SEC22C: variants seen among roughly 807,000 people sequenced by gnomAD.
The protein encoded by SEC22C is vesicle-trafficking protein SEC22c.
In SEC22C, 29 loss-of-function variants were observed where a neutral mutation model predicts 34.7. The ratio of observed to expected loss-of-function variants is 0.84; its 90% confidence interval spans 0.62 to 1.14. The LOEUF is 1.14. SEC22C is among the 50% of genes most tolerant of loss of function. SEC22C has a pLI of 0.00. For synonymous variants in SEC22C, 117 were observed against 132.8 expected, an observed-to-expected ratio of 0.88 and a Z score of 0.82; for missense variants, 337 against 369.0, an observed-to-expected ratio of 0.91 and a Z score of 0.71.
rs535590668 is a variant in SEC22C at position 42,568,921 on chromosome 3, C to T, written c.126G>A (p.Leu42=). The part of the protein sequence containing the change: ...EWRRRLKSLA[L]RLAQYPGRGS... ...CTCGACCTGGATACTGGGCCAGTCG[C>T]AAGGCTAAACTCTTGAGCCGTCTCC... Residue 42 remains leucine, a synonymous_variant, in exon 2 of 7, where the codon TTG becomes TTA. Transcript: ENST00000264454. 6.2e-7 allele frequency: 1 copy of T among 1,614,192 alleles called. No individual in the cohort carries two copies. Among genetic ancestry groups the T allele is most frequent in the African/African-American group, 1.3e-5 (1 of 75,032 alleles).
chr3:42,571,915 C>T (rs968692790), intron 1 of SEC22C, among the ~76,000 whole-genome samples: 1 of 152,172 alleles, frequency 6.6e-6, no homozygotes, highest in African/African-American at 2.4e-5. Context: ...CACCTGTAAT[C>T]CCAGCTACTC....
rs996921830 is a variant in SEC22C at position 42,568,804 on chromosome 3, A to G, written c.182+61T>C. 139 of 1,365,998 alleles carry G rather than the reference A, an allele frequency of 1.0e-4. 1 individual carries two copies. Among genetic ancestry groups the G allele is most frequent in the South Asian group, 5.8e-4 (48 of 82,682 alleles). 84.6% of individuals were successfully genotyped at this position (1,365,998 alleles called of 1,614,324 possible). ...GTGATCAGCATAAGATTATCACTAC[A>G]TGTAGTTAAAAGTAATCCAAATTTT... On this transcript the variant is annotated intron_variant, in intron 2 of 6. Coordinates refer to ENST00000264454, the MANE Select transcript of SEC22C (RefSeq NM_032970.4).
chr3:42,568,134 AAAAGC>A (rs1703371483), intron 2 of SEC22C, among the ~76,000 whole-genome samples: 1 of 152,184 alleles, frequency 6.6e-6, no homozygotes, highest in Non-Finnish European at 1.5e-5. Context: ...GAAAAAATTA[AAAAGC>A]AAAGGTATAA....
chr3:42,552,852 G>A lies in SEC22C; in HGVS notation c.*396C>T, dbSNP rs533118385. The A allele has an allele frequency of 4.9e-6, 5 of 1,022,754 alleles. No homozygotes were observed. The East Asian group carries it at 5.0e-4, about 103-fold the overall frequency. The allele number at this position is 1,022,754 out of a possible 1,614,324, so 63.4% of individuals were successfully genotyped here. A position where few individuals can be genotyped will look rare whatever the true frequency, so the allele number is the denominator to read the frequency against. The stretch of plus-strand genomic sequence containing the variant: ...TTATGTTTAGACTGAAAGCTGATTT[G>A]GATTTTAAAGTGGTTCCTTGGAGAC... On this transcript the variant is annotated 3_prime_UTR_variant, in exon 7 of 7. Transcript: ENST00000264454.
At chr3:42,591,201 C>CATTTTTT (rs1553651059) in intron 1 of SEC22C, 2 of 487,886 alleles carry the variant, frequency 4.1e-6, no homozygotes, top group Non-Finnish European at 7.1e-6. Flanking sequence ...CCTTTCTCTC[C>CATTTTTT]TTTTTTTTTT....
rs751050034 is a variant in SEC22C at position 42,563,505 on chromosome 3, T to A, written c.346+18A>T. 6.3e-7 allele frequency: 1 copy of A among 1,595,974 alleles called. No homozygotes were observed. The highest frequency in any genetic ancestry group is 1.8e-5 in the Admixed American group (1 of 55,958). On this transcript the variant is annotated intron_variant, in intron 3 of 6. Coordinates refer to ENST00000264454, the MANE Select transcript of SEC22C (RefSeq NM_032970.4). ...ACACCATGGAAGAGAAAAATAAATA[T>A]GAAAGAGGGTTACAAACCAAACTCA...
intron 2 of SEC22C, chr3:42,564,034 T>A: frequency 1.1e-6 from 1 of 948,356 alleles, no homozygotes; most frequent in Non-Finnish European, 1.4e-6. Flanking sequence ...TTCCTAATGT[T>A]AAATGATCCT....
intron 2 of SEC22C, among the ~76,000 whole-genome samples, chr3:42,567,138 G>C (rs182150214): frequency 6.6e-6 from 1 of 152,090 alleles, no homozygotes; most frequent in African/African-American, 2.4e-5. Flanking sequence ...CTTGAACTTC[G>C]CGATCTTCCC....
chr3:42,592,172 A>C (rs1704873481), intron 1 of SEC22C, among the ~76,000 whole-genome samples: 1 of 152,176 alleles, frequency 6.6e-6, no homozygotes, highest in African/African-American at 2.4e-5. Context: ...TTCCGAATCT[A>C]GTCCAGGTAT....
In SEC22C at chr3:42,552,355, C is replaced by T. The variant is rs1702295292; in HGVS notation, c.*893G>A. The T allele has an allele frequency of 2.0e-6, 2 of 985,414 alleles. No homozygotes were observed. The highest frequency in any genetic ancestry group is 4.7e-5 in the South Asian group (1 of 21,282). The allele number at this position is 985,414 out of a possible 1,614,324, so 61.0% of individuals were successfully genotyped here. A position where few individuals can be genotyped will look rare whatever the true frequency, so the allele number is the denominator to read the frequency against. On this transcript the variant is annotated 3_prime_UTR_variant, in exon 7 of 7. Transcript: ENST00000264454. ...CAGGCACTCAGCTCTACTGAAAAGG[C>T]TGATGACAGCAGCCCCTCCCAAGCG...
chr3:42,583,140 A>T (rs1395903144), upstream of SEC22C, among the ~76,000 whole-genome samples: 5 of 152,364 alleles, frequency 3.3e-5, no homozygotes, highest in East Asian at 9.6e-4. Flanking sequence ...GTTTAGGACC[A>T]TAGAACACTG....
At chr3:42,598,326 A>ATTT (rs1417431695) in intron 1 of SEC22C, among the ~76,000 whole-genome samples, 2 of 140,850 alleles carry the variant, frequency 1.4e-5, no homozygotes, top group South Asian at 2.3e-4. Flanking sequence ...AAAAGAACAA[A>ATTT]TTTTTTTTTT....
intron 1 of SEC22C, among the ~76,000 whole-genome samples, chr3:42,589,231 T>G (rs1704727266): frequency 6.6e-6 from 1 of 151,438 alleles, no homozygotes; most frequent in Non-Finnish European, 1.5e-5. Flanking sequence ...ATCACACCAC[T>G]GCACTCCAGC....
rs774767611 is a variant in SEC22C at position 42,553,416 on chromosome 3, C to T, written c.744G>A (p.Arg248=). 2.5e-6 allele frequency: 4 copies of T among 1,614,062 alleles called. No homozygotes were observed. Among genetic ancestry groups the T allele is most frequent in the South Asian group, 2.2e-5 (2 of 91,072 alleles). Residue 248 remains arginine, a synonymous_variant, in exon 7 of 7, where the codon AGG becomes AGA. Coordinates refer to ENST00000264454, the MANE Select transcript of SEC22C (RefSeq NM_032970.4). Reference sequence around the variant, plus strand: ...GCAGCATAAGCACCACCTTCATAGTCCTGGCTGGACTGTAGAACAGGTACA... The same window carrying T: ...GCAGCATAAGCACCACCTTCATAGTTCTGGCTGGACTGTAGAACAGGTACA... ...CYLYLFYSPA[R]TMKVVLMLLF...
upstream of SEC22C, among the ~76,000 whole-genome samples, chr3:42,583,557 G>A (rs145760115): frequency 1.1e-3 from 161 of 152,282 alleles, no homozygotes; most frequent in South Asian, 2.3e-3. Flanking sequence ...AGGATTTTGC[G>A]ATGATTAGTT....
chr3:42,590,859 C>T, intron 1 of SEC22C: 1 of 1,609,148 alleles, frequency 6.2e-7, no homozygotes. Context: ...TATCGTGGGT[C>T]GAGTTGCTTG....
chr3:42,591,124 A>G, intron 1 of SEC22C: 2 of 751,766 alleles, frequency 2.7e-6, no homozygotes, highest in Non-Finnish European at 4.5e-6. Flanking sequence ...AAATCAGCAC[A>G]GGCGCCGGGG....
chr3:42,569,167 C>T (rs1703451280), intron 1 of SEC22C, 94 bp from the exon 2 acceptor site: 4 of 731,396 alleles, frequency 5.5e-6, no homozygotes, highest in Admixed American at 2.8e-5. Flanking sequence ...GTTTTTCACC[C>T]TCATTCTTAC....
chr3:42,577,461 C>T (rs535881908), intron 1 of SEC22C, among the ~76,000 whole-genome samples: 3 of 152,212 alleles, frequency 2.0e-5, no homozygotes, highest in Admixed American at 6.5e-5. Context: ...GAAAAACACA[C>T]ATACAGACAT....
Sources: gnomAD v4.1 joint callset for allele counts (sites outside exome capture counted in the v4.1 genomes callset) on GRCh38, gnomAD v4.1.1 for gene constraint, MANE v1.5 for transcripts, NCBI Gene and HGNC (gene_info 2026-07-23, HGNC 2026-07-21) for gene names.